The following PAX6 variants were observed in gnomAD, a reference collection of about 807,000 sequenced individuals.
The protein encoded by PAX6 is paired box protein Pax-6.
A neutral mutation model predicts 60.7 loss-of-function variants in PAX6; 7 were observed. The ratio of observed to expected loss-of-function variants is 0.12; its 90% CI spans 0.07 to 0.22. The LOEUF (loss-of-function observed/expected upper bound fraction) is 0.22, where lower values mean the gene tolerates loss of function less well. Ranked by LOEUF, PAX6 falls within the 10% of genes least tolerant of loss-of-function variation. PAX6 has a pLI of 1.00. For synonymous variants in PAX6, 208 were observed against 201.2 expected, an observed-to-expected ratio of 1.03 and a Z score of -0.29; for missense variants, 355 against 555.2, an observed-to-expected ratio of 0.64 and a Z score of 3.62.
At chr11:31,805,554 T>G (rs1468062024) in intron 4 of PAX6, 1 of 152,624 alleles carries the variant, frequency 6.6e-6, no homozygotes, top group Non-Finnish European at 1.5e-5. Flanking sequence ...GCCTCAACCG[T>G]AACCTCAAAC....
rs1331716310 is a variant in PAX6 at position 31,800,787 on chromosome 11, A to G, written c.469T>C (p.Tyr157His). 6.2e-7 allele frequency: 1 copy of G among 1,614,168 alleles called. No homozygotes were observed. The highest frequency in any genetic ancestry group is 2.2e-5 in the East Asian group (1 of 44,876). Residue 157 changes from tyrosine to histidine, a missense_variant, in exon 8 of 14, where the codon TAT becomes CAT. Around this residue, in one of 5 missense-constraint regions of PAX6, gnomAD observed 143 missense variants for 183.6 expected, o/e 0.78. Transcript: ENST00000640368. ...EKQQMGADGM[Y>H]DKLRMLNGQT... ...CCGTTCAACATCCTTAGTTTATCAT[A>G]CATGCCGTCTGCGCCCATCTGTTGC...
intron 3 of PAX6, 93 bp from the exon 4 acceptor site, chr11:31,806,555 A>G: frequency 1.0e-6 from 1 of 966,736 alleles, no homozygotes; most frequent in East Asian, 2.6e-5. Context: ...AGGACAGGAG[A>G]ATCTCCGTTC....
intron 12 of PAX6, 52 bp from the exon 13 acceptor site, chr11:31,790,912 A>C: frequency 6.3e-7 from 1 of 1,590,824 alleles, no homozygotes; most frequent in Middle Eastern, 1.7e-4. Context: ...TCACACAGCC[A>C]CAGCCCCAGG....
rs905066773 is a variant in PAX6, at chr11:31,789,452, G to T, written c.*482C>A. 4.4e-6 allele frequency: 2 copies of T among 453,940 alleles called. No homozygotes were observed. The highest frequency in any genetic ancestry group is 6.9e-5 in the East Asian group (2 of 28,794). 28.1% of individuals were successfully genotyped at this position (453,940 alleles called of 1,614,324 possible). On this transcript the variant is annotated 3_prime_UTR_variant, in exon 14 of 14. Coordinates refer to ENST00000640368, the MANE Select transcript of PAX6 (RefSeq NM_001368894.2). ...CATGTTGTTCCAGGTTTAATTATAT[G>T]CAAAGGAATGATACAAACTTGGAAC...
intron 13 of PAX6, 36 bp downstream of exon 13, chr11:31,790,674 T>G (rs1210928724): frequency 5.6e-6 from 9 of 1,613,482 alleles, no homozygotes; most frequent in Non-Finnish European, 7.6e-6. Flanking sequence ...TGAAGAGAGA[T>G]CGCCTCTGTG....
intron 1 of PAX6, chr11:31,816,484 C>A (rs942596390): frequency 2.4e-5 from 17 of 694,512 alleles, no homozygotes; most frequent in Non-Finnish European, 4.2e-5. Context: ...TAAACACGAT[C>A]TCCAATAAAC....
At chr11:31,803,903 A>T (rs1954923695) in intron 4 of PAX6, 1 of 152,316 alleles carries the variant, frequency 6.6e-6, no homozygotes, top group South Asian at 2.1e-4. Flanking sequence ...CAAAAACCAC[A>T]GACACACAAA....
At chr11:31,814,550 A>G (rs752963088), upstream of PAX6, 45 of 152,224 alleles carry the variant, frequency 3.0e-4, no homozygotes, top group Non-Finnish European at 5.7e-4. Context: ...GAAGACTGGC[A>G]TTTTTTGGAG....
Position 31,800,817 on chromosome 11 carries a change from C to T in PAX6, c.439G>A (p.Glu147Lys). 1 of 1,614,182 alleles carries T rather than the reference C, an allele frequency of 6.2e-7. No individual in the cohort carries two copies. Among genetic ancestry groups the T allele is most frequent in the Non-Finnish European group, 8.5e-7 (1 of 1,180,048 alleles). Reference sequence around the variant, plus strand: ...CCGTCTGCGCCCATCTGTTGCTTTTCGCTAGCCAGGTTGCGAAGAACTCTG... The same window carrying T: ...CCGTCTGCGCCCATCTGTTGCTTTTTGCTAGCCAGGTTGCGAAGAACTCTG... The part of the protein sequence containing the change: ...INRVLRNLAS[E>K]KQQMGADGMY... The change falls in exon 8 of 14, where the codon GAA becomes AAA. Residue 147 changes from glutamate to lysine, a missense_variant. Around this residue, in one of 5 missense-constraint regions of PAX6, gnomAD observed 143 missense variants for 183.6 expected, o/e 0.78. Transcript: ENST00000640368.
intron 7 of PAX6, chr11:31,801,194 T>C: frequency 8.3e-7 from 1 of 1,199,702 alleles, no homozygotes; most frequent in Non-Finnish European, 1.1e-6. Flanking sequence ...TTTCATTATA[T>C]TGTTTAATAT....
chr11:31,811,019 G>A lies in PAX6; in HGVS notation c.-316-4C>T. On this transcript the variant is annotated splice_region_variant and splice_polypyrimidine_tract_variant and intron_variant, in intron 1 of 13. Transcript: ENST00000640368. ...TGTGAGAGCAATTCTCAGATTCCTG[G>A]GAAGGAGACAGAGATTGACAATAAA... 2.5e-6 allele frequency: 1 copy of A among 399,300 alleles called. No individual in the cohort carries two copies. The highest frequency in any genetic ancestry group is 4.4e-6 in the Non-Finnish European group (1 of 226,148). 24.7% of individuals were successfully genotyped at this position (399,300 alleles called of 1,614,324 possible).
upstream of PAX6, chr11:31,816,156 T>C (rs1307122916): frequency 6.3e-6 from 1 of 157,762 alleles, no homozygotes; most frequent in Non-Finnish European, 1.4e-5. Flanking sequence ...GCAGCGAGAG[T>C]GACTGTCCTT....
intron 2 of PAX6, chr11:31,807,411 A>T (rs1956082358): frequency 1.3e-5 from 2 of 151,278 alleles, no homozygotes; most frequent in South Asian, 4.2e-4. Context: ...ACTTCACAAG[A>T]CCCCCAGAAC....
chr11:31,815,689 C>A (rs554693228), upstream of PAX6, among the ~76,000 whole-genome samples: 2 of 149,486 alleles, frequency 1.3e-5, no homozygotes, highest in Non-Finnish European at 1.5e-5. Context: ...GGGCTCAATG[C>A]GAGTTTTATT....
chr11:31,790,650 G>T, intron 13 of PAX6, 60 bp downstream of exon 13: 2 of 1,609,112 alleles, frequency 1.2e-6, no homozygotes, highest in South Asian at 1.1e-5. Flanking sequence ...GATTCTGTTT[G>T]GGTAAACTTC....
intron 1 of PAX6, among the ~76,000 whole-genome samples, chr11:31,817,505 A>ACAG (rs2135451931): frequency 6.6e-6 from 1 of 152,346 alleles, no homozygotes; most frequent in African/African-American, 2.4e-5. Context: ...GCTTTAGCAG[A>ACAG]CAGCAGCAGC....
chr11:31,815,251 G>C (rs190745954), upstream of PAX6, among the ~76,000 whole-genome samples: 1 of 152,190 alleles, frequency 6.6e-6, no homozygotes, highest in African/African-American at 2.4e-5. Context: ...TTGCAAATAG[G>C]GTTCCTAGAA....
rs554841897 is a variant in PAX6, at chr11:31,794,852, C to T, written c.566-64G>A. 5.8e-5 allele frequency: 86 copies of T among 1,482,916 alleles called. No individual in the cohort carries two copies. In the Admixed American group the frequency reaches 1.4e-3, roughly 24 times the overall value. 91.9% of individuals were successfully genotyped at this position (1,482,916 alleles called of 1,614,324 possible). On this transcript the variant is annotated intron_variant, in intron 8 of 13. Coordinates refer to ENST00000640368, the MANE Select transcript of PAX6 (RefSeq NM_001368894.2). ...TTAACTTGGAGCCTCCAAAAGGGGC[C>T]TGGTGTAGTCTTAAACTCCAAGAGC...
chr11:31,798,756 C>G (rs187677496), intron 8 of PAX6, among the ~76,000 whole-genome samples: 3 of 152,364 alleles, frequency 2.0e-5, no homozygotes, highest in Non-Finnish European at 4.4e-5. Flanking sequence ...ACCTCCGGCC[C>G]CAACCATCAC....
Sources: allele counts gnomAD v4.1 joint callset (sites outside exome capture counted in the v4.1 genomes callset), GRCh38; gene constraint gnomAD v4.1.1; regional missense constraint gnomAD v4.1.1; transcripts MANE v1.5; gene names NCBI Gene and HGNC (gene_info 2026-07-23, HGNC 2026-07-21).